The following ITPR1 variants were observed in gnomAD, a reference collection of about 807,000 sequenced individuals.
The protein encoded by ITPR1 is inositol 1,4,5-trisphosphate receptor type 1.
ITPR1 carries 96 observed loss-of-function variants against 318.4 expected under a neutral mutation model. That is an observed-to-expected ratio of 0.30 (90% CI 0.26 to 0.36). The LOEUF (loss-of-function observed/expected upper bound fraction) is 0.36. Ranked by LOEUF, ITPR1 falls within the 10% of genes least tolerant of loss-of-function variation. ITPR1 has a pLI of 1.00. For missense variants in ITPR1, 2,440 were observed against 3,460.2 expected, an observed-to-expected ratio of 0.71 and a Z score of 7.40; for synonymous variants, 1,312 against 1,289.9, an observed-to-expected ratio of 1.02 and a Z score of -0.37.
intron 44 of ITPR1, among the ~76,000 whole-genome samples, chr3:4,758,714 C>T (rs2045209482): frequency 6.6e-6 from 1 of 152,186 alleles, no homozygotes; most frequent in Non-Finnish European, 1.5e-5. Context: ...GGTAATAAAA[C>T]ACACCTGGCT....
intron 42 of ITPR1, 73 bp from the exon 43 acceptor site, chr3:4,733,015 T>G (rs992602014): frequency 6.9e-7 from 1 of 1,450,040 alleles, no homozygotes; most frequent in Non-Finnish European, 9.5e-7. Flanking sequence ...AGTACCCCTG[T>G]GTGTTTTGAA....
intron 44 of ITPR1, among the ~76,000 whole-genome samples, chr3:4,753,321 G>C (rs1326620926): frequency 6.6e-6 from 1 of 152,262 alleles, no homozygotes; most frequent in African/African-American, 2.4e-5. Flanking sequence ...CACCAAGTTG[G>C]CTTGGGCCTG....
intron 33 of ITPR1, among the ~76,000 whole-genome samples, chr3:4,695,908 A>G (rs547759540): frequency 5.9e-5 from 9 of 152,306 alleles, no homozygotes; most frequent in African/African-American, 1.4e-4. Context: ...GGGTGTGTGG[A>G]TAGTCAGAAG....
chr3:4,534,726 T>C (rs1333181581), intron 4 of ITPR1, among the ~76,000 whole-genome samples: 2 of 152,222 alleles, frequency 1.3e-5, no homozygotes, highest in Admixed American at 6.5e-5. Flanking sequence ...GCTAAAATTA[T>C]ATGTGTCTAA....
At chr3:4,842,937 G>A (rs1405473983) in intron 61 of ITPR1, among the ~76,000 whole-genome samples, 4 of 152,164 alleles carry the variant, frequency 2.6e-5, no homozygotes, top group Non-Finnish European at 5.9e-5. Flanking sequence ...GGGTAGGTAA[G>A]TAGATAAGAA....
intron 4 of ITPR1, among the ~76,000 whole-genome samples, chr3:4,593,226 T>C (rs1213513026): frequency 6.6e-6 from 1 of 152,242 alleles, no homozygotes; most frequent in African/African-American, 2.4e-5. Context: ...CTGTTGTTGG[T>C]ACTTTACCTG....
intron 4 of ITPR1, among the ~76,000 whole-genome samples, chr3:4,614,941 A>G (rs919582097): frequency 5.3e-5 from 8 of 152,194 alleles, no homozygotes; most frequent in Admixed American, 1.3e-4. Flanking sequence ...TCTATGGTTC[A>G]GCTAGGACTC....
intron 52 of ITPR1, 139 bp from the exon 53 acceptor site, chr3:4,794,926 T>G: frequency 1.1e-6 from 1 of 930,854 alleles, no homozygotes; most frequent in Non-Finnish European, 1.6e-6. Context: ...TCCAAACAAA[T>G]GATCATTTTT....
intron 4 of ITPR1, among the ~76,000 whole-genome samples, chr3:4,622,877 T>C (rs371385566): frequency 3.9e-5 from 6 of 152,344 alleles, no homozygotes; most frequent in East Asian, 1.9e-4. Context: ...ACTCAATCTT[T>C]AGACCCTGGG....
At chr3:4,649,165 C>A (rs1000517614) in intron 10 of ITPR1, among the ~76,000 whole-genome samples, 1 of 152,108 alleles carries the variant, frequency 6.6e-6, no homozygotes, top group African/African-American at 2.4e-5. Flanking sequence ...CATAGAAAAT[C>A]AAGAAAACAA....
At chr3:4,522,776 T>C (rs966615421) in intron 4 of ITPR1, among the ~76,000 whole-genome samples, 2 of 152,246 alleles carry the variant, frequency 1.3e-5, no homozygotes, top group Non-Finnish European at 2.9e-5. Flanking sequence ...CCAGGCCCTG[T>C]GCTAAGCACT....
chr3:4,624,823 A>T (rs2092771505), intron 4 of ITPR1, among the ~76,000 whole-genome samples: 1 of 152,240 alleles, frequency 6.6e-6, no homozygotes, highest in Admixed American at 6.5e-5. Flanking sequence ...TAGTTAATGT[A>T]AACTACTGTC....
chr3:4,717,017 C>A lies in ITPR1; in HGVS notation c.5104-350C>A, dbSNP rs183772551. On this transcript the variant is annotated intron_variant, in intron 39 of 61. Coordinates refer to ENST00000649015, the MANE Select transcript of ITPR1 (RefSeq NM_001378452.1). ...AGTCTTTCACTCTACTCTTTCCCAC[C>A]CTCTTCGGAAAAAAACATTGGGGAA... Among the ~76,000 whole-genome samples, 453 of 152,298 alleles carry A rather than the reference C, an allele frequency of 3.0e-3. 1 individual carries two copies. The highest frequency in any genetic ancestry group is 3.4e-3 in the Non-Finnish European group (228 of 68,030).
intron 4 of ITPR1, among the ~76,000 whole-genome samples, chr3:4,563,724 A>G (rs891517945): frequency 6.6e-6 from 1 of 152,038 alleles, no homozygotes; most frequent in East Asian, 1.9e-4. Flanking sequence ...AGATTTTTTC[A>G]TGCGGATATT....
chr3:4,619,652 T>C (rs181658497), intron 4 of ITPR1, among the ~76,000 whole-genome samples: 5,943 of 8,694 alleles, frequency 0.68, 2,310 homozygotes, highest in East Asian at 0.81. Flanking sequence ...TCTCCTCTGC[T>C]CTCCCCTGCT....
Position 4,740,556 on chromosome 3 carries a change from A to T in ITPR1, c.5544+5202A>T, listed in dbSNP as rs150491931. ...ATTATGAAACCCTGTCATCCATCACATCATCACCTAAAGCCCTGAAATGCC... is the reference window on the plus strand; with the variant it reads ...ATTATGAAACCCTGTCATCCATCACTTCATCACCTAAAGCCCTGAAATGCC... On this transcript the variant is annotated intron_variant, in intron 44 of 61. Coordinates refer to ENST00000649015, the MANE Select transcript of ITPR1 (RefSeq NM_001378452.1). 7.9e-5 allele frequency among the ~76,000 whole-genome samples: 12 copies of T among 152,254 alleles called. No homozygotes were observed. The East Asian group carries it at 2.3e-3, about 29-fold the overall frequency.
intron 38 of ITPR1, chr3:4,711,546 G>T: frequency 1.8e-6 from 1 of 541,674 alleles, no homozygotes; most frequent in Non-Finnish European, 3.3e-6. Context: ...CAGTGAGCCT[G>T]TTTGCTGTGA....
intron 55 of ITPR1, among the ~76,000 whole-genome samples, chr3:4,809,687 T>C (rs986391795): frequency 5.3e-5 from 8 of 152,234 alleles, no homozygotes; most frequent in South Asian, 4.1e-4. Context: ...ATAATACTTA[T>C]TGATTGTTTT....
At chr3:4,829,761 TTTTCACCAA>T (rs1264829520) in intron 60 of ITPR1, among the ~76,000 whole-genome samples, 2 of 151,964 alleles carry the variant, frequency 1.3e-5, no homozygotes, top group Admixed American at 1.3e-4. Flanking sequence ...ATTCTGTGGG[TTTTCACCAA>T]TTCAAATGAC....
Sources: gnomAD v4.1 joint callset for allele counts (sites outside exome capture counted in the v4.1 genomes callset) on GRCh38, gnomAD v4.1.1 for gene constraint, MANE v1.5 for transcripts, NCBI Gene and HGNC (gene_info 2026-07-23, HGNC 2026-07-21) for gene names.